Variants in MTF1 observed in about 807,000 individuals in gnomAD.
MTF1 encodes MRE-binding transcription factor.
Under a neutral mutation model 70.4 loss-of-function variants are expected in MTF1, and 22 were observed. That is an observed-to-expected ratio of 0.31 (90% confidence interval 0.22 to 0.45). MTF1 has a LOEUF of 0.45. Ranked by LOEUF, MTF1 falls within the 20% of genes least tolerant of loss-of-function variation. The pLI, the probability that MTF1 is intolerant of heterozygous loss-of-function variation, is 1.00. For missense variants in MTF1, 649 were observed against 922.0 expected (o/e 0.70, Z 3.83); for synonymous variants, 333 against 352.8 (o/e 0.94, Z 0.63).
chr1:37,831,163 T>C (rs1298619323), intron 7 of MTF1, among the ~76,000 whole-genome samples: 2 of 152,200 alleles, frequency 1.3e-5, no homozygotes, highest in African/African-American at 2.4e-5. Flanking sequence ...TCCACAGTTG[T>C]TTTTTATATT....
rs1031629170 is a variant in MTF1 at position 37,840,942 on chromosome 1, G to A, written c.409-784C>T. The A allele has an allele frequency of 4.5e-6, 1 of 223,908 alleles. No individual in the cohort carries two copies. Among genetic ancestry groups the A allele is most frequent in the Non-Finnish European group, 8.9e-6 (1 of 112,266 alleles). The allele number at this position is 223,908 out of a possible 1,614,324, so 13.9% of individuals were successfully genotyped here. ...CTGTGGTTGGCCTGGAGCCAGGGCT[G>A]AGGCCATGGAGCTCTCAGAGGCAAG... On this transcript the variant is annotated intron_variant, in intron 2 of 10. Transcript: ENST00000373036. This position sits in a 1 kb window ranked among gnomAD's most constrained non-coding sequence, Gnocchi z 4.5.
intron 7 of MTF1, 21 bp from the exon 8 acceptor site, chr1:37,823,833 T>C (rs1640960841): frequency 1.3e-6 from 2 of 1,573,202 alleles, no homozygotes; most frequent in Non-Finnish European, 1.7e-6. Context: ...GAGACAAAGA[T>C]GTGAGATTGG....
rs573276411 is a variant in MTF1, at chr1:37,825,043, T to C, written c.1069-1231A>G. Among the ~76,000 whole-genome samples, 9 of 152,176 alleles carry C rather than the reference T, an allele frequency of 5.9e-5. 1 individual carries two copies. The highest frequency in any genetic ancestry group is 1.9e-4 in the East Asian group (1 of 5,162). ...TCAACCTCCAATCCACCTCTACCCC[T>C]ACAGTTCGTAGGGCAAGAGTGGTAA... On this transcript the variant is annotated intron_variant, in intron 7 of 10. Coordinates refer to ENST00000373036, the MANE Select transcript of MTF1 (RefSeq NM_005955.3).
Position 37,822,342 on chromosome 1 carries a change from C to T in MTF1, c.1546G>A (p.Val516Met), listed in dbSNP as rs199577135. ...CTTTGTGGTGGGGCTGGTGCTGCCA[C>T]AGCTGATGCCACTGCCGCTGCTGAT... The part of the protein sequence containing the change: ...SASAAAVASA[V>M]AAPAPPQSTT... The change falls in exon 9 of 11, where the codon GTG becomes ATG. Residue 516 changes from valine (V) to methionine (M), a missense_variant. Val to Met is a conservative substitution (Grantham distance 21). Transcript: ENST00000373036. 4.3e-6 allele frequency: 7 copies of T among 1,612,704 alleles called. No homozygotes were observed. Among genetic ancestry groups the T allele is most frequent in the Middle Eastern group, 1.7e-4 (1 of 6,058 alleles).
intron 7 of MTF1, among the ~76,000 whole-genome samples, chr1:37,830,815 G>C (rs1350057404): frequency 2.4e-5 from 3 of 127,644 alleles, no homozygotes; most frequent in African/African-American, 8.8e-5. Flanking sequence ...GGGCTGCTTA[G>C]AGTCTATCCC....
intron 1 of MTF1, among the ~76,000 whole-genome samples, chr1:37,858,880 G>A (rs1397923273): frequency 6.6e-6 from 1 of 152,220 alleles, no homozygotes; most frequent in Non-Finnish European, 1.5e-5. Context: ...TTGGCAGGCA[G>A]AATAGAGAAT....
chr1:37,822,844 G>C (rs752456446), intron 8 of MTF1, 128 bp from the exon 9 acceptor site: 8 of 640,006 alleles, frequency 1.2e-5, no homozygotes, highest in Non-Finnish European at 2.1e-5. Flanking sequence ...TAGCTAGCAG[G>C]CCAGCTTTCT....
Position 37,814,931 on chromosome 1 carries a change from T to C in MTF1, c.*205A>G. ...ACTTATAACTTAGCTTTTTTTGTTG[T>C]TTTTTTTGTTTTTTGTTTTTTTCCA... On this transcript the variant is annotated 3_prime_UTR_variant, in exon 11 of 11. Coordinates refer to ENST00000373036, the MANE Select transcript of MTF1 (RefSeq NM_005955.3). The C allele has an allele frequency of 1.9e-6, 1 of 537,880 alleles. No individual in the cohort carries two copies. The allele number at this position is 537,880 out of a possible 1,614,324, so 33.3% of individuals were successfully genotyped here.
chr1:37,822,655 T>C lies in MTF1; in HGVS notation c.1233A>G (p.Thr411=), dbSNP rs780764966. ...AESVSDVPPS[T]GNSASLSLPL... is the part of the protein sequence containing the mutation. ...GAAGAGATAAAGATGCTGAATTTCCTGTGGATGGCGGAACATCACTGACTG... is the reference window on the plus strand; with the variant it reads ...GAAGAGATAAAGATGCTGAATTTCCCGTGGATGGCGGAACATCACTGACTG... Residue 411 remains threonine, a synonymous_variant, in exon 9 of 11, where the codon ACA becomes ACG. Coordinates refer to ENST00000373036, the MANE Select transcript of MTF1 (RefSeq NM_005955.3). The C allele has an allele frequency of 1.5e-5, 25 of 1,613,890 alleles. No homozygotes were observed. The highest frequency in any genetic ancestry group is 4.4e-5 in the South Asian group (4 of 91,074).
Position 37,840,087 on chromosome 1 carries a change from G to A in MTF1, c.480C>T (p.His160=). 6.2e-7 allele frequency: 1 copy of A among 1,614,244 alleles called. No individual in the cohort carries two copies. The highest frequency in any genetic ancestry group is 8.5e-7 in the Non-Finnish European group (1 of 1,180,042). ...TGTACTCTCCTCGGTGAGTCTTCTGGTGGGTTCGCAGGTTGCCTGCTGTGC... is the reference window on the plus strand; with the variant it reads ...TGTACTCTCCTCGGTGAGTCTTCTGATGGGTTCGCAGGTTGCCTGCTGTGC... The part of the protein sequence containing the change: ...TYSTAGNLRT[H]QKTHRGEYTF... The change falls in exon 3 of 11, where the codon CAC becomes CAT. Residue 160 remains histidine, a synonymous_variant. Coordinates refer to ENST00000373036, the MANE Select transcript of MTF1 (RefSeq NM_005955.3). This position sits in a 1 kb window ranked among gnomAD's most constrained non-coding sequence, Gnocchi z 4.5.
intron 7 of MTF1, among the ~76,000 whole-genome samples, chr1:37,829,076 A>G (rs1569858185): frequency 6.6e-6 from 1 of 152,068 alleles, no homozygotes; most frequent in East Asian, 1.9e-4. Context: ...ATTATCTCAT[A>G]TAAATTTACT....
intron 4 of MTF1, 111 bp downstream of exon 4, chr1:37,838,514 A>T: frequency 2.2e-6 from 2 of 905,958 alleles, no homozygotes; most frequent in Non-Finnish European, 3.3e-6. Flanking sequence ...TAACACTGCT[A>T]AATCAAGAGC....
At chr1:37,856,653 C>A (rs926350994) in intron 2 of MTF1, among the ~76,000 whole-genome samples, 2 of 151,862 alleles carry the variant, frequency 1.3e-5, no homozygotes. Flanking sequence ...CCATGTGCCA[C>A]CAAGCCTGGC....
chr1:37,831,885 T>C (rs1049438386), intron 7 of MTF1, among the ~76,000 whole-genome samples: 1 of 152,228 alleles, frequency 6.6e-6, no homozygotes, highest in African/African-American at 2.4e-5. Context: ...ATTCTGGTTA[T>C]GTCTTACAGT....
In MTF1 at chr1:37,812,651, A is replaced by T; in HGVS notation, c.*2485T>A. ...GCTATTTAAACTGTGGGTGCTTCAG[A>T]TGTCCTTCCCTGGGCTCCTATTTCC... On this transcript the variant is annotated 3_prime_UTR_variant, in exon 11 of 11. Transcript: ENST00000373036. 6.6e-6 allele frequency: 1 copy of T among 152,294 alleles called. No homozygotes were observed. The allele number at this position is 152,294 out of a possible 1,614,324, so 9.4% of individuals were successfully genotyped here.
intron 7 of MTF1, chr1:37,828,173 T>TAAAAA: frequency 1.6e-5 from 5 of 317,032 alleles, no homozygotes; most frequent in East Asian, 1.1e-4. Flanking sequence ...ATAAAAGCAT[T>TAAAAA]AAAAAAAAAA....
intron 2 of MTF1, among the ~76,000 whole-genome samples, chr1:37,843,989 T>A (rs1641296146): frequency 1.3e-5 from 2 of 152,152 alleles, no homozygotes; most frequent in Admixed American, 1.3e-4. Flanking sequence ...CCATAAATAT[T>A]TGTTAAACTG....
At position 37,822,466 on chromosome 1, in the gene MTF1, G is replaced by A. The variant is rs1164038858; in HGVS notation, c.1422C>T (p.His474=). The change falls in exon 9 of 11, where the codon CAC becomes CAT. Residue 474 remains histidine, a synonymous_variant. Coordinates refer to ENST00000373036, the MANE Select transcript of MTF1 (RefSeq NM_005955.3). ...GATGATTAGCAGCAAACTGTGTGCT[G>A]TGGGGAACAGGCACTTCTGGAGGTT... ...LLQPPEVPVP[H]STQFAANHQE... 4 of 1,614,004 alleles carry A rather than the reference G, an allele frequency of 2.5e-6. No individual in the cohort carries two copies. The African/African-American group carries it at 4.0e-5, about 16-fold the overall frequency.
chr1:37,838,598 T>A (rs764634588), intron 4 of MTF1, 27 bp downstream of exon 4: 1 of 1,595,836 alleles, frequency 6.3e-7, no homozygotes, highest in Admixed American at 1.7e-5. Context: ...ACCTGGTCAG[T>A]GACAAATAGA....
Sources: gnomAD v4.1 joint callset for allele counts (sites outside exome capture counted in the v4.1 genomes callset) on GRCh38, gnomAD v4.1.1 for gene constraint, Gnocchi (gnomAD v3.1) non-coding constraint, MANE v1.5 for transcripts, NCBI Gene and HGNC (gene_info 2026-07-23, HGNC 2026-07-21) for gene names.